SGTA: variants seen among roughly 807,000 people sequenced by gnomAD.
SGTA encodes the protein small glutamine rich tetratricopeptide repeat co-chaperone alpha.
In SGTA, 22 loss-of-function variants were observed where a neutral mutation model predicts 44.3. The observed-to-expected ratio is 0.50, with a 90% CI of 0.36 to 0.71. The LOEUF (loss-of-function observed/expected upper bound fraction) is 0.71. SGTA is among the 30% of genes least tolerant of loss of function. SGTA has a pLI of 0.00. For missense variants in SGTA, 341 were observed against 435.9 expected (o/e 0.78, Z 1.94); for synonymous variants, 174 against 177.6 (o/e 0.98, Z 0.16).
At chr19:2,769,175 C>G in intron 1 of SGTA, 84 bp from the exon 2 acceptor site, 1 of 784,720 alleles carries the variant, frequency 1.3e-6, no homozygotes, top group East Asian at 2.6e-5. Flanking sequence ...CTAGCTGGGC[C>G]TCACTTTAAG....
chr19:2,774,551 C>T (rs1242473699), intron 1 of SGTA, among the ~76,000 whole-genome samples: 3 of 152,188 alleles, frequency 2.0e-5, no homozygotes, highest in Admixed American at 6.5e-5. Context: ...CCCGTGCACG[C>T]GTACACAGAG....
chr19:2,767,615 G>A lies in SGTA; in HGVS notation c.172C>T (p.Leu58=). ...EDSDLALPQT[L]PEIFEAAATG... The stretch of plus-strand genomic sequence containing the variant: ...GCAGCCGCTTCAAATATCTCCGGCA[G>A]AGTCTGAGGGAGCGCAAGGTCACTG... The change falls in exon 3 of 12, where the codon CTG becomes TTG. Residue 58 remains leucine (L), a synonymous_variant. Transcript: ENST00000221566. The surrounding 1 kb of genome is among the most constrained non-coding windows in gnomAD (Gnocchi z 7.3). 1 of 1,613,616 alleles carries A rather than the reference G, an allele frequency of 6.2e-7. No homozygotes were observed. The highest frequency in any genetic ancestry group is 8.5e-7 in the Non-Finnish European group (1 of 1,179,970).
rs566876890 is a variant in SGTA, at chr19:2,778,503, C to G, written c.-24+4730G>C. ...CTTTCCCTCCTGGAACACCGCCCCC[C>G]CCGGCCCCCGCCGCCACATCCCAGA... On this transcript the variant is annotated intron_variant, in intron 1 of 11. Transcript: ENST00000221566. Among the ~76,000 whole-genome samples the G allele has an allele frequency of 2.0e-3, 304 of 152,146 alleles. 3 individuals carry two copies. The highest frequency in any genetic ancestry group is 6.4e-3 in the African/African-American group (266 of 41,506).
At position 2,755,705 on chromosome 19, in the gene SGTA, T is replaced by G. The variant is rs576193649; in HGVS notation, c.*235A>C. On this transcript the variant is annotated 3_prime_UTR_variant, in exon 12 of 12. Transcript: ENST00000221566. The surrounding 1 kb of genome is among the most constrained non-coding windows in gnomAD (Gnocchi z 5.2). ...GGGCTGGAAGGGAGGTCGCTGCTGG[T>G]CTGTGCTCAGCTTGCTGGCTCTCGT... 2.0e-6 allele frequency: 2 copies of G among 985,458 alleles called. No individual in the cohort carries two copies. The highest frequency in any genetic ancestry group is 2.3e-4 in the East Asian group (2 of 8,806). 61.0% of individuals were successfully genotyped at this position (985,458 alleles called of 1,614,324 possible).
intron 1 of SGTA, chr19:2,770,527 C>T (rs1413101107): frequency 6.5e-6 from 1 of 152,924 alleles, no homozygotes; most frequent in Non-Finnish European, 1.5e-5. Context: ...GCGATGGTGA[C>T]TCTAAACATT....
Position 2,755,967 on chromosome 19 carries a change from G to C in SGTA, c.*7-34C>G. 1 of 983,046 alleles carries C rather than the reference G, an allele frequency of 1.0e-6. No individual in the cohort carries two copies. Among genetic ancestry groups the C allele is most frequent in the African/African-American group, 1.7e-5 (1 of 57,240 alleles). The allele number at this position is 983,046 out of a possible 1,614,324, so 60.9% of individuals were successfully genotyped here. On this transcript the variant is annotated intron_variant, in intron 11 of 11. Coordinates refer to ENST00000221566, the MANE Select transcript of SGTA (RefSeq NM_003021.4). The surrounding 1 kb of genome is among the most constrained non-coding windows in gnomAD (Gnocchi z 5.2). ...GGACAGACATGAAGGCTGTCAGAGC[G>C]CAGGTGGGGACCAAGGCTGCACCAC...
intron 1 of SGTA, among the ~76,000 whole-genome samples, chr19:2,777,175 C>G (rs552116118): frequency 6.6e-6 from 1 of 151,016 alleles, no homozygotes; most frequent in South Asian, 2.1e-4. Flanking sequence ...CACTTGAACT[C>G]GGGAGGTGGA....
At chr19:2,782,815 G>C (rs1161315248) in intron 1 of SGTA, among the ~76,000 whole-genome samples, 1 of 152,204 alleles carries the variant, frequency 6.6e-6, no homozygotes, top group Non-Finnish European at 1.5e-5. Context: ...GCTGGGCAAG[G>C]TCACCCAGGT....
At chr19:2,756,206 C>G (rs971004310) in intron 11 of SGTA, among the ~76,000 whole-genome samples, 1 of 149,758 alleles carries the variant, frequency 6.7e-6, no homozygotes, top group African/African-American at 2.5e-5. Context: ...TCCACCTCAA[C>G]TATTAAAAAA....
chr19:2,763,641 A>ACAGG lies in SGTA; in HGVS notation c.497+8_497+11dup. 1 of 1,592,800 alleles carries ACAGG rather than the reference A, an allele frequency of 6.3e-7. No homozygotes were observed. The highest frequency in any genetic ancestry group is 1.3e-5 in the African/African-American group (1 of 74,644). On this transcript the variant is annotated intron_variant, in intron 6 of 11. Coordinates refer to ENST00000221566, the MANE Select transcript of SGTA (RefSeq NM_003021.4). This position sits in a 1 kb window ranked among gnomAD's most constrained non-coding sequence, Gnocchi z 5.8. ...AGAGACTGGAAAGGCGCGGCCGTGG[A>ACAGG]CAGGCACTCACCCCATCCTGCCGTA...
Position 2,763,094 on chromosome 19 carries a change from C to A in SGTA, c.498-450G>T, listed in dbSNP as rs373192715. ...TCTTCACTCGTGAGGTGACTCAGGGCCCCTACAGAGCCCAGGAGGAGGCGG... is the reference window on the plus strand; with the variant it reads ...TCTTCACTCGTGAGGTGACTCAGGGACCCTACAGAGCCCAGGAGGAGGCGG... On this transcript the variant is annotated intron_variant, in intron 6 of 11. Coordinates refer to ENST00000221566, the MANE Select transcript of SGTA (RefSeq NM_003021.4). This position sits in a 1 kb window ranked among gnomAD's most constrained non-coding sequence, Gnocchi z 5.8. 9.8e-5 allele frequency among the ~76,000 whole-genome samples: 15 copies of A among 152,310 alleles called. No homozygotes were observed. The highest frequency in any genetic ancestry group is 3.6e-4 in the African/African-American group (15 of 41,570).
chr19:2,766,485 T>G (rs781613991), intron 4 of SGTA, among the ~76,000 whole-genome samples: 3 of 152,004 alleles, frequency 2.0e-5, no homozygotes, highest in African/African-American at 7.2e-5. Context: ...CAGGCTGGAG[T>G]GCAGTGGCGC....
chr19:2,765,066 G>A lies in SGTA; in HGVS notation c.392+120C>T, dbSNP rs150817639. On this transcript the variant is annotated intron_variant, in intron 5 of 11. Transcript: ENST00000221566. The surrounding 1 kb of genome is among the most constrained non-coding windows in gnomAD (Gnocchi z 5.5). ...TGCTCGCTCCTGGTCTGAGACCACCGGTGAATGGATCCCTCATCTACAGCG... is the reference window on the plus strand; with the variant it reads ...TGCTCGCTCCTGGTCTGAGACCACCAGTGAATGGATCCCTCATCTACAGCG... 26 of 693,692 alleles carry A rather than the reference G, an allele frequency of 3.7e-5. No homozygotes were observed. The highest frequency in any genetic ancestry group is 2.6e-4 in the South Asian group (16 of 62,050). The allele number at this position is 693,692 out of a possible 1,614,324, so 43.0% of individuals were successfully genotyped here. A position where few individuals can be genotyped will look rare whatever the true frequency, so the allele number is the denominator to read the frequency against.
At chr19:2,777,376 A>AC (rs1404809048) in intron 1 of SGTA, 1 of 151,426 alleles carries the variant, frequency 6.6e-6, no homozygotes, top group Non-Finnish European at 1.5e-5. Flanking sequence ...ACATAGGGAG[A>AC]CCCCATCTCT....
Position 2,767,129 on chromosome 19 carries a change from C to T in SGTA, c.292+7G>A, listed in dbSNP as rs1345863303. 1 of 1,605,468 alleles carries T rather than the reference C, an allele frequency of 6.2e-7. No individual in the cohort carries two copies. The highest frequency in any genetic ancestry group is 8.5e-7 in the Non-Finnish European group (1 of 1,174,790). ...AGGTGTCTGTGGGGATGGAGGTCCT[C>T]CCTTACCTTCGGTTTTGAGGCGCTC... On this transcript the variant is annotated splice_region_variant and intron_variant, in intron 4 of 11. Transcript: ENST00000221566. The surrounding 1 kb of genome is among the most constrained non-coding windows in gnomAD (Gnocchi z 7.3).
Position 2,761,330 on chromosome 19 carries a change from A to G in SGTA, c.699+130T>C. ...TGCGGTGCCCAGGACGACCCCACAG[A>G]CAAGACCCATCTGGTTCCAGAAGCC... On this transcript the variant is annotated intron_variant, in intron 8 of 11. Transcript: ENST00000221566. This position sits in a 1 kb window ranked among gnomAD's most constrained non-coding sequence, Gnocchi z 5.7. 1 of 877,328 alleles carries G rather than the reference A, an allele frequency of 1.1e-6. No homozygotes were observed. 54.3% of individuals were successfully genotyped at this position (877,328 alleles called of 1,614,324 possible).
rs747875590 is a variant in SGTA at position 2,767,208 on chromosome 19, C to T, written c.220G>A (p.Asp74Asn). 1.3e-5 allele frequency: 21 copies of T among 1,610,770 alleles called. No individual in the cohort carries two copies. The highest frequency in any genetic ancestry group is 1.2e-4 in the Admixed American group (7 of 59,780). Residue 74 changes from aspartate (D) to asparagine (N), a missense_variant, in exon 4 of 12, where the codon GAC (aspartate) becomes AAC (asparagine). Asp to Asn is a conservative substitution (Grantham distance 23). Coordinates refer to ENST00000221566, the MANE Select transcript of SGTA (RefSeq NM_003021.4). This position sits in a 1 kb window ranked among gnomAD's most constrained non-coding sequence, Gnocchi z 7.3. ...AAATGKEMPQ[D>N]LRSPARTPPS... ...GGGGTTCGCGCGGGGCTCCTCAGGTCCTGCGGCATCTCCTGGACCCGGAGG... is the reference window on the plus strand; with the variant it reads ...GGGGTTCGCGCGGGGCTCCTCAGGTTCTGCGGCATCTCCTGGACCCGGAGG...
At position 2,767,479 on chromosome 19, in the gene SGTA, T is replaced by C; in HGVS notation, c.207+101A>G. 1 of 987,378 alleles carries C rather than the reference T, an allele frequency of 1.0e-6. No individual in the cohort carries two copies. Among genetic ancestry groups the C allele is most frequent in the East Asian group, 2.6e-5 (1 of 38,894 alleles). 61.2% of individuals were successfully genotyped at this position (987,378 alleles called of 1,614,324 possible). On this transcript the variant is annotated intron_variant, in intron 3 of 11. Transcript: ENST00000221566. The surrounding 1 kb of genome is among the most constrained non-coding windows in gnomAD (Gnocchi z 7.3). ...AGCCCAGGAGAGGATGCAGGCAGAG[T>C]GCTGGGGGACGATGAGAGCGGGGCT...
intron 6 of SGTA, among the ~76,000 whole-genome samples, chr19:2,762,847 C>A (rs544014169): frequency 4.0e-4 from 61 of 152,266 alleles, no homozygotes; most frequent in African/African-American, 1.4e-3. Flanking sequence ...TGAGAACACC[C>A]CTGCCACACA....
Sources: gnomAD v4.1 joint callset for allele counts (sites outside exome capture counted in the v4.1 genomes callset) on GRCh38, gnomAD v4.1.1 for gene constraint, Gnocchi (gnomAD v3.1) non-coding constraint, MANE v1.5 for transcripts, NCBI Gene and HGNC (gene_info 2026-07-23, HGNC 2026-07-21) for gene names.